The following FRMPD4 variants were observed in gnomAD, a reference collection of about 807,000 sequenced individuals.
The protein encoded by FRMPD4 is FERM and PDZ domain containing 4.
In FRMPD4, 22 loss-of-function variants were observed where a neutral mutation model predicts 94.1. That is an observed-to-expected ratio of 0.23 (90% CI 0.17 to 0.33). The LOEUF (loss-of-function observed/expected upper bound fraction) is 0.33, where lower values mean the gene tolerates loss of function less well. Among genes scored for constraint, FRMPD4 ranks in the 10% least tolerant of loss-of-function variants. FRMPD4 has a pLI of 1.00. For missense variants in FRMPD4, 1,111 were observed against 1,339.9 expected (o/e 0.83, Z 2.67); for synonymous variants, 631 against 548.6 (o/e 1.15, Z -2.10).
chrX:12,000,034 C>T (rs2054516401), intron 3 of FRMPD4, among the ~76,000 whole-genome samples: 2 of 112,254 alleles, frequency 1.8e-5, no homozygotes, highest in African/African-American at 6.5e-5. Flanking sequence ...GCCCATGCTT[C>T]AGAATTAAGC....
At chrX:12,676,264 C>T (rs2059898530) in intron 5 of FRMPD4, among the ~76,000 whole-genome samples, 1 of 112,342 alleles carries the variant, frequency 8.9e-6, no homozygotes, top group African/African-American at 3.2e-5. Flanking sequence ...CTTCCATGTG[C>T]TTCTATAAAA....
rs758383581 is a variant in FRMPD4 at position 11,956,336 on chromosome X, C to T, written c.95+78318C>T. On this transcript the variant is annotated intron_variant, in intron 3 of 18. Coordinates refer to the FRMPD4 transcript ENST00000640291. The stretch of plus-strand genomic sequence containing the variant: ...CAACCCTGATTCTGTACTCTTATTT[C>T]TTGCTTTCCAAAGGATGGTATTATA... Among the ~76,000 whole-genome samples the T allele has an allele frequency of 8.3e-4, 92 of 111,507 alleles. 1 individual carries two copies. Among genetic ancestry groups the T allele is most frequent in the South Asian group, 4.2e-3 (11 of 2,634 alleles).
chrX:11,990,326 C>G (rs1448114398), intron 3 of FRMPD4, among the ~76,000 whole-genome samples: 6 of 112,003 alleles, frequency 5.4e-5, no homozygotes, highest in Non-Finnish European at 1.1e-4. Context: ...GGAGTGACTG[C>G]TCAGTGGGTA....
intron 3 of FRMPD4, among the ~76,000 whole-genome samples, chrX:11,962,403 A>G (rs774575650): frequency 2.7e-5 from 3 of 111,923 alleles, no homozygotes; most frequent in Admixed American, 1.9e-4. Context: ...AATCCCATTC[A>G]TGAGGGTAGA....
intron 1 of FRMPD4, among the ~76,000 whole-genome samples, chrX:12,155,004 T>C (rs1326173089): frequency 1.8e-5 from 2 of 112,058 alleles, no homozygotes; most frequent in African/African-American, 6.5e-5. Flanking sequence ...TGGAGGGACA[T>C]CTTTTCTAGA....
At chrX:12,023,776 T>C (rs1291102589) in intron 3 of FRMPD4, among the ~76,000 whole-genome samples, 4 of 111,499 alleles carry the variant, frequency 3.6e-5, no homozygotes, top group Non-Finnish European at 1.9e-5. Flanking sequence ...CCTTTAAGTT[T>C]CTGCTCAGGG....
At chrX:11,844,424 A>G (rs1269439214) in intron 1 of FRMPD4, among the ~76,000 whole-genome samples, 1 of 110,727 alleles carries the variant, frequency 9.0e-6, no homozygotes, top group Non-Finnish European at 1.9e-5. Flanking sequence ...CTCTTCGGAT[A>G]TATCAGTCCA....
intron 1 of FRMPD4, among the ~76,000 whole-genome samples, chrX:12,181,146 A>C (rs1217043133): frequency 8.9e-6 from 1 of 111,863 alleles, no homozygotes; most frequent in African/African-American, 3.2e-5. Flanking sequence ...AACTGAATAA[A>C]AGGAGAATGG....
rs959062652 is a variant in FRMPD4 at position 12,625,462 on chromosome X, T to TA, written c.422+10590dup. On this transcript the variant is annotated intron_variant, in intron 4 of 16. Transcript: ENST00000675598. Reference sequence around the variant, plus strand: ...TACACGGTAGAATATTATCCAGCAATAAAAAAAAATCCTTTATTTGCAGCA... The same window carrying TA: ...TACACGGTAGAATATTATCCAGCAATAAAAAAAAAATCCTTTATTTGCAGCA... Among the ~76,000 whole-genome samples the TA allele has an allele frequency of 1.0e-4, 11 of 110,366 alleles. No individual in the cohort carries two copies. In the South Asian group the frequency reaches 1.5e-3, roughly 15 times the overall value.
intron 1 of FRMPD4, among the ~76,000 whole-genome samples, chrX:12,385,407 T>C (rs927654707): frequency 2.7e-5 from 3 of 112,282 alleles, no homozygotes; most frequent in African/African-American, 9.7e-5. Context: ...AGCAGCTTGG[T>C]GTAGAGAGGG....
chrX:12,256,119 G>A (rs1303802881), intron 1 of FRMPD4, among the ~76,000 whole-genome samples: 2 of 111,896 alleles, frequency 1.8e-5, no homozygotes, highest in African/African-American at 6.5e-5. Context: ...CCCATATAGG[G>A]TAGAATATAG....
At chrX:12,626,171 T>A (rs1230316562) in intron 4 of FRMPD4, among the ~76,000 whole-genome samples, 2 of 109,059 alleles carry the variant, frequency 1.8e-5, no homozygotes, top group African/African-American at 6.7e-5. Context: ...TACAAAAAAA[T>A]TTTAAAAATT....
chrX:11,889,980 G>A (rs767941577), intron 3 of FRMPD4, among the ~76,000 whole-genome samples: 1 of 112,405 alleles, frequency 8.9e-6, no homozygotes, highest in South Asian at 3.7e-4. Flanking sequence ...TTTTACTTCT[G>A]TCACACTCTC....
At chrX:12,645,631 AG>A (rs1276472430) in intron 4 of FRMPD4, among the ~76,000 whole-genome samples, 4 of 110,487 alleles carry the variant, frequency 3.6e-5, no homozygotes, top group African/African-American at 9.9e-5. Flanking sequence ...CTGGGATTAC[AG>A]GCGTGAGCCA....
intron 2 of FRMPD4, among the ~76,000 whole-genome samples, chrX:12,594,513 G>A (rs775563972): frequency 1.5e-4 from 17 of 110,439 alleles, no homozygotes; most frequent in African/African-American, 5.3e-4. Flanking sequence ...TCGGCTCACT[G>A]CAACCTCCGC....
intron 1 of FRMPD4, among the ~76,000 whole-genome samples, chrX:12,368,988 G>C (rs757626253): frequency 1.0e-3 from 113 of 111,378 alleles, no homozygotes; most frequent in African/African-American, 3.6e-3. Flanking sequence ...AACAGTTTCT[G>C]CCTGTCCTCC....
At position 11,922,003 on chromosome X, in the gene FRMPD4, A is replaced by C. The variant is rs147177909; in HGVS notation, c.95+43985A>C. Among the ~76,000 whole-genome samples the C allele has an allele frequency of 4.5e-3, 501 of 111,877 alleles. 3 individuals carry two copies. Among genetic ancestry groups the C allele is most frequent in the African/African-American group, 0.015 (469 of 30,797 alleles). On this transcript the variant is annotated intron_variant, in intron 3 of 18. Coordinates refer to the FRMPD4 transcript ENST00000640291. The stretch of plus-strand genomic sequence containing the variant: ...AAGACAAAGCCAATGATTTATTCGG[A>C]GATTTTAGTGGACAGGCCTAGAAAT...
At chrX:12,432,895 C>T (rs1183793540) in intron 1 of FRMPD4, among the ~76,000 whole-genome samples, 1 of 112,202 alleles carries the variant, frequency 8.9e-6, no homozygotes, top group African/African-American at 3.2e-5. Flanking sequence ...ACCACCATAA[C>T]CAACCTTTTA....
intron 3 of FRMPD4, among the ~76,000 whole-genome samples, chrX:12,037,079 C>T (rs1412476789): frequency 9.0e-6 from 1 of 111,657 alleles, no homozygotes; most frequent in African/African-American, 3.3e-5. Flanking sequence ...TTGCCGGGTA[C>T]TAGAACTTTA....
Sources: allele counts gnomAD v4.1 joint callset (sites outside exome capture counted in the v4.1 genomes callset), GRCh38; gene constraint gnomAD v4.1.1; transcripts MANE v1.5; gene names NCBI Gene and HGNC (gene_info 2026-07-23, HGNC 2026-07-21).